MAF: variants seen among roughly 807,000 people sequenced by gnomAD.
MAF encodes the protein transcription factor Maf.
MAF carries 10 observed loss-of-function variants against 22.0 expected under a neutral mutation model. The observed-to-expected ratio is 0.45, with a 90% CI of 0.28 to 0.77. The LOEUF (loss-of-function observed/expected upper bound fraction) is 0.77. Among genes scored for constraint, MAF ranks in the 30% least tolerant of loss-of-function variants. MAF has a pLI of 0.12. For missense variants in MAF, 544 were observed against 548.4 expected (o/e 0.99, Z 0.08); for synonymous variants, 337 against 255.8 (o/e 1.32, Z -3.03).
chr16:79,531,121 T>G, the MAF span, among the ~76,000 whole-genome samples: 2 of 152,206 alleles, frequency 1.3e-5, no homozygotes, highest in Admixed American at 6.5e-5. Context: ...TAGATGAAAA[T>G]CAGGGACTAA....
chr16:79,370,065 C>G, the MAF span, among the ~76,000 whole-genome samples: 1 of 152,162 alleles, frequency 6.6e-6, no homozygotes, highest in Admixed American at 6.5e-5. Flanking sequence ...ACTCACATGA[C>G]TAGTTACTGG....
At chr16:79,302,691 G>C in the MAF span, among the ~76,000 whole-genome samples, 1 of 152,206 alleles carries the variant, frequency 6.6e-6, no homozygotes, top group Non-Finnish European at 1.5e-5. Context: ...CGCTCTAGAA[G>C]ACCTTTTATC....
At chr16:79,344,201 C>A in the MAF span, among the ~76,000 whole-genome samples, 11 of 152,222 alleles carry the variant, frequency 7.2e-5, 1 homozygote, top group East Asian at 1.4e-3. Context: ...GCTCAACAGC[C>A]CAGGAGTTAG....
At chr16:79,475,649 G>T in the MAF span, among the ~76,000 whole-genome samples, 3 of 152,058 alleles carry the variant, frequency 2.0e-5, no homozygotes, top group Admixed American at 2.0e-4. Context: ...GTTATGTGGG[G>T]CTCATTTCTT....
At chr16:79,232,226 G>T in the MAF span, among the ~76,000 whole-genome samples, 2 of 152,030 alleles carry the variant, frequency 1.3e-5, no homozygotes, top group Non-Finnish European at 1.5e-5. Flanking sequence ...CAATATACAA[G>T]TTAAAAAGAC....
the MAF span, among the ~76,000 whole-genome samples, chr16:79,514,671 C>T: frequency 6.6e-6 from 1 of 152,124 alleles, no homozygotes; most frequent in Non-Finnish European, 1.5e-5. Flanking sequence ...TCCCTGTCTA[C>T]CTCTACAGAC....
the MAF span, among the ~76,000 whole-genome samples, chr16:79,538,763 T>C: frequency 7.3e-5 from 11 of 150,770 alleles, no homozygotes; most frequent in African/African-American, 2.7e-4. Flanking sequence ...GAGGTGGAGG[T>C]TGCAGTGAGC....
the MAF span, among the ~76,000 whole-genome samples, chr16:79,381,965 C>T: frequency 2.0e-5 from 3 of 152,156 alleles, no homozygotes; most frequent in South Asian, 2.1e-4. Context: ...CCTGTTAAGA[C>T]GTCAAATGTG....
rs951827023 is a variant in MAF, at chr16:79,593,858, T to A, written c.*602A>T. 4 of 184,246 alleles carry A rather than the reference T, an allele frequency of 2.2e-5. No individual in the cohort carries two copies. The highest frequency in any genetic ancestry group is 9.4e-5 in the African/African-American group (4 of 42,586). The allele number at this position is 184,246 out of a possible 1,614,324, so 11.4% of individuals were successfully genotyped here. On this transcript the variant is annotated 3_prime_UTR_variant, in exon 2 of 2. Coordinates refer to ENST00000326043, the MANE Select transcript of MAF (RefSeq NM_005360.5). ...GGGTGTGTATTTAACTAACTTTGTA[T>A]TTTGCCACACATTGTTTTCATTTAC...
At chr16:79,470,502 G>C in the MAF span, among the ~76,000 whole-genome samples, 2 of 152,210 alleles carry the variant, frequency 1.3e-5, no homozygotes, top group Non-Finnish European at 2.9e-5. Context: ...CAAGTTCCTG[G>C]AGGGCAGGTC....
chr16:79,496,236 C>G, the MAF span, among the ~76,000 whole-genome samples: 13 of 151,992 alleles, frequency 8.6e-5, no homozygotes, highest in African/African-American at 3.1e-4. Flanking sequence ...AAAAATAGAG[C>G]AAAGAAAGAG....
the MAF span, among the ~76,000 whole-genome samples, chr16:79,277,314 T>TG: frequency 1.3e-4 from 20 of 152,292 alleles, 1 homozygote; most frequent in South Asian, 2.1e-3. Context: ...GTATGACTTT[T>TG]GGGGGGTGCC....
At chr16:79,487,552 A>G in the MAF span, among the ~76,000 whole-genome samples, 1 of 152,206 alleles carries the variant, frequency 6.6e-6, no homozygotes, top group African/African-American at 2.4e-5. Context: ...TGGTTTTTAA[A>G]ATGAAGAAAA....
the MAF span, among the ~76,000 whole-genome samples, chr16:79,245,320 T>C: frequency 6.6e-6 from 1 of 152,018 alleles, no homozygotes; most frequent in South Asian, 2.1e-4. Flanking sequence ...TCTATCCATC[T>C]GACAAAGGGC....
chr16:79,379,491 T>G, the MAF span, among the ~76,000 whole-genome samples: 1 of 131,126 alleles, frequency 7.6e-6, no homozygotes, highest in African/African-American at 3.3e-5. Flanking sequence ...GCTCTTGATC[T>G]GGTGGAAGTG....
chr16:79,314,665 C>G, the MAF span, among the ~76,000 whole-genome samples: 1 of 152,202 alleles, frequency 6.6e-6, no homozygotes, highest in African/African-American at 2.4e-5. Context: ...GGCTGGTTCC[C>G]CTGGAGGGTC....
downstream of MAF, among the ~76,000 whole-genome samples, chr16:79,592,548 G>A (rs1276262743): frequency 1.3e-5 from 2 of 152,218 alleles, no homozygotes; most frequent in African/African-American, 4.8e-5. Flanking sequence ...AATCCTGATT[G>A]AGGTGGCTGG....
chr16:79,365,350 A>G, the MAF span, among the ~76,000 whole-genome samples: 1 of 152,214 alleles, frequency 6.6e-6, no homozygotes, highest in African/African-American at 2.4e-5. Flanking sequence ...TGTGTTTACC[A>G]GACTGATGGC....
At chr16:79,216,026 T>C in the MAF span, among the ~76,000 whole-genome samples, 1 of 152,252 alleles carries the variant, frequency 6.6e-6, no homozygotes, top group African/African-American at 2.4e-5. Context: ...CTGTGATAAA[T>C]TCTTGACAGG....
Sources: allele counts gnomAD v4.1 joint callset (sites outside exome capture counted in the v4.1 genomes callset), GRCh38; gene constraint gnomAD v4.1.1; transcripts MANE v1.5; gene names NCBI Gene and HGNC (gene_info 2026-07-23, HGNC 2026-07-21).